CPE: variants seen among roughly 807,000 people sequenced by gnomAD.
CPE encodes carbocypeptidase E.
In CPE, 17 loss-of-function variants were observed where a neutral mutation model predicts 53.5. The ratio of observed to expected loss-of-function variants is 0.32; its 90% CI spans 0.22 to 0.48. The LOEUF (loss-of-function observed/expected upper bound fraction) is 0.48, where lower values mean the gene tolerates loss of function less well. CPE is among the 20% of genes least tolerant of loss of function. The probability of loss-of-function intolerance (pLI) is 0.99; values close to 1 mark genes in which losing one functional copy is unlikely to be tolerated. For missense variants in CPE, 524 were observed against 614.7 expected, an observed-to-expected ratio of 0.85 and a Z score of 1.56; for synonymous variants, 226 against 228.8, an observed-to-expected ratio of 0.99 and a Z score of 0.11.
At chr4:165,391,989 G>A (rs1730687452) in intron 1 of CPE, among the ~76,000 whole-genome samples, 1 of 151,594 alleles carries the variant, frequency 6.6e-6, no homozygotes, top group South Asian at 2.1e-4. Context: ...TTTCTTCATT[G>A]TTCTGAATGT....
intron 1 of CPE, among the ~76,000 whole-genome samples, chr4:165,399,563 G>T (rs958972213): frequency 2.0e-5 from 3 of 151,974 alleles, no homozygotes; most frequent in Admixed American, 6.6e-5. Flanking sequence ...GTAGAGATGG[G>T]GTTTCACCAT....
chr4:165,493,699 G>T (rs1732650983), intron 7 of CPE, among the ~76,000 whole-genome samples: 1 of 152,176 alleles, frequency 6.6e-6, no homozygotes, highest in South Asian at 2.1e-4. Flanking sequence ...AAACTGCTGC[G>T]GGTTGTGTGT....
rs180856624 is a variant in CPE, at chr4:165,385,656, A to G, written c.307+6128A>G. 1.5e-4 allele frequency among the ~76,000 whole-genome samples: 23 copies of G among 152,076 alleles called. No individual in the cohort carries two copies. The East Asian group carries it at 4.3e-3, about 28-fold the overall frequency. On this transcript the variant is annotated intron_variant, in intron 1 of 8. Transcript: ENST00000402744. ...ATGTGGGACATTCTTGCTTTTCTTCAGTTTGACATGATGATGAACAATAAT... is the reference window on the plus strand; with the variant it reads ...ATGTGGGACATTCTTGCTTTTCTTCGGTTTGACATGATGATGAACAATAAT...
intron 1 of CPE, among the ~76,000 whole-genome samples, chr4:165,382,719 T>G (rs1413174930): frequency 1.3e-5 from 2 of 152,342 alleles, no homozygotes; most frequent in African/African-American, 4.8e-5. Flanking sequence ...TGGACAGAGA[T>G]GTTTGTTGAT....
chr4:165,479,017 G>T (rs1299341825), intron 3 of CPE, among the ~76,000 whole-genome samples: 2 of 152,058 alleles, frequency 1.3e-5, no homozygotes, highest in East Asian at 3.8e-4. Context: ...GTGAATATTT[G>T]TCAATATCTG....
At position 165,379,638 on chromosome 4, in the gene CPE, T is replaced by G; in HGVS notation, c.307+110T>G. ...GGAGGGATGGGCCCAGGGGTGCCTC[T>G]TGGTAAAAGGTATCTAAGGTGGAAG... On this transcript the variant is annotated intron_variant, in intron 1 of 8. Coordinates refer to ENST00000402744, the MANE Select transcript of CPE (RefSeq NM_001873.4). The surrounding 1 kb of genome is among the most constrained non-coding windows in gnomAD (Gnocchi z 6.0). 9.3e-7 allele frequency: 1 copy of G among 1,071,974 alleles called. No homozygotes were observed. Among genetic ancestry groups the G allele is most frequent in the South Asian group, 2.0e-5 (1 of 50,614 alleles). 66.4% of individuals were successfully genotyped at this position (1,071,974 alleles called of 1,614,324 possible).
At chr4:165,456,254 T>C (rs1159164904) in intron 1 of CPE, among the ~76,000 whole-genome samples, 1 of 152,160 alleles carries the variant, frequency 6.6e-6, no homozygotes, top group Non-Finnish European at 1.5e-5. Flanking sequence ...TTATGGCTAA[T>C]ATTTAGGGCA....
intron 1 of CPE, among the ~76,000 whole-genome samples, chr4:165,430,516 G>A (rs1191672633): frequency 6.6e-6 from 1 of 152,104 alleles, no homozygotes; most frequent in Non-Finnish European, 1.5e-5. Context: ...TACCATATCT[G>A]ACATGAATCC....
At chr4:165,429,455 C>G (rs1731373046) in intron 1 of CPE, among the ~76,000 whole-genome samples, 2 of 152,156 alleles carry the variant, frequency 1.3e-5, no homozygotes, top group Admixed American at 1.3e-4. Context: ...GTAATCCCAG[C>G]ACTTTGGGAG....
At chr4:165,463,230 T>G (rs1239159859) in intron 1 of CPE, among the ~76,000 whole-genome samples, 3 of 152,168 alleles carry the variant, frequency 2.0e-5, no homozygotes, top group African/African-American at 7.2e-5. Context: ...CTTACACATT[T>G]TAGTGGGCTG....
intron 1 of CPE, among the ~76,000 whole-genome samples, chr4:165,415,415 G>A (rs773249707): frequency 4.6e-5 from 7 of 152,098 alleles, no homozygotes; most frequent in Non-Finnish European, 1.0e-4. Flanking sequence ...AGCTCCTCCT[G>A]CTCAGAGGAG....
chr4:165,468,462 C>G (rs1045600490), intron 3 of CPE, among the ~76,000 whole-genome samples: 111 of 152,186 alleles, frequency 7.3e-4, no homozygotes, highest in African/African-American at 2.3e-3. Context: ...TACTAGCTAA[C>G]TTGGGTTCCT....
intron 1 of CPE, among the ~76,000 whole-genome samples, chr4:165,397,503 T>TTGGGGAA (rs1730787685): frequency 6.6e-6 from 1 of 152,334 alleles, no homozygotes; most frequent in African/African-American, 2.4e-5. Context: ...TATTAGCTCC[T>TTGGGGAA]CTCTTCCCTT....
intron 1 of CPE, among the ~76,000 whole-genome samples, chr4:165,429,207 C>T (rs13131657): frequency 0.3 from 44,937 of 151,910 alleles, 6,737 homozygotes; most frequent in Middle Eastern, 0.39. Flanking sequence ...TTAGAAGCTG[C>T]CTGGTTCAAG....
intron 1 of CPE, 115 bp from the exon 2 acceptor site, chr4:165,464,275 C>T (rs1338864496): frequency 1.2e-6 from 1 of 803,092 alleles, no homozygotes; most frequent in African/African-American, 1.8e-5. Flanking sequence ...TTTTTTAAGG[C>T]ATCGCTGCTG....
intron 3 of CPE, among the ~76,000 whole-genome samples, chr4:165,476,125 G>A (rs1161137089): frequency 6.6e-6 from 1 of 152,192 alleles, no homozygotes; most frequent in African/African-American, 2.4e-5. Flanking sequence ...GGCAGAGCGA[G>A]AGACTGAGGC....
intron 1 of CPE, among the ~76,000 whole-genome samples, chr4:165,407,061 G>A: frequency 6.6e-6 from 1 of 152,044 alleles, no homozygotes; most frequent in Non-Finnish European, 1.5e-5. Flanking sequence ...TTATGTGCAA[G>A]TTTTTTTTGT....
At chr4:165,419,509 T>C (rs939855489) in intron 1 of CPE, among the ~76,000 whole-genome samples, 3 of 152,214 alleles carry the variant, frequency 2.0e-5, no homozygotes, top group Non-Finnish European at 4.4e-5. Context: ...TATTTAATCC[T>C]CAAAATAATG....
intron 6 of CPE, among the ~76,000 whole-genome samples, chr4:165,492,547 C>G (rs1732625664): frequency 6.6e-6 from 1 of 152,114 alleles, no homozygotes; most frequent in Non-Finnish European, 1.5e-5. Context: ...TGCAAAAACC[C>G]AGCTCCCTGA....
Sources: gnomAD v4.1 joint callset for allele counts (sites outside exome capture counted in the v4.1 genomes callset) on GRCh38, gnomAD v4.1.1 for gene constraint, Gnocchi (gnomAD v3.1) non-coding constraint, MANE v1.5 for transcripts, NCBI Gene and HGNC (gene_info 2026-07-23, HGNC 2026-07-21) for gene names.